ABCC4: variants seen among roughly 807,000 people sequenced by gnomAD.
ABCC4 encodes ATP-binding cassette sub-family C member 4.
Under a neutral mutation model 168.5 loss-of-function variants are expected in ABCC4, and 102 were observed. The observed-to-expected ratio is 0.61, with a 90% CI of 0.52 to 0.71. ABCC4 has a LOEUF of 0.71. ABCC4 is among the 30% of genes least tolerant of loss of function. ABCC4 has a pLI of 0.00. For missense variants in ABCC4, 1,402 were observed against 1,605.8 expected, an observed-to-expected ratio of 0.87 and a Z score of 2.17; for synonymous variants, 617 against 590.7, an observed-to-expected ratio of 1.04 and a Z score of -0.65.
At chr13:95,076,507 GTTTT>G (rs33911549) in intron 21 of ABCC4, among the ~76,000 whole-genome samples, 4 of 138,298 alleles carry the variant, frequency 2.9e-5, no homozygotes, top group Non-Finnish European at 6.2e-5. Context: ...TGTGGTGTAG[GTTTT>G]TTTTTTTTTT....
At chr13:95,065,558 C>T (rs1284679911) in intron 25 of ABCC4, among the ~76,000 whole-genome samples, 1 of 152,148 alleles carries the variant, frequency 6.6e-6, no homozygotes, top group Admixed American at 6.5e-5. Context: ...ATTTATTCAA[C>T]AAATCCCCTA....
intron 19 of ABCC4, among the ~76,000 whole-genome samples, chr13:95,153,121 G>A (rs755968758): frequency 6.6e-6 from 1 of 152,104 alleles, no homozygotes; most frequent in Non-Finnish European, 1.5e-5. Flanking sequence ...CCCTTGAAAT[G>A]GTTATCCAAC....
chr13:95,273,167 T>G (rs1018343915), intron 1 of ABCC4, among the ~76,000 whole-genome samples: 6 of 152,216 alleles, frequency 3.9e-5, no homozygotes, highest in African/African-American at 1.2e-4. Context: ...TCTGGAATGT[T>G]CCCTGAAACT....
intron 9 of ABCC4, among the ~76,000 whole-genome samples, chr13:95,194,030 A>G (rs1480260336): frequency 6.6e-6 from 1 of 152,148 alleles, no homozygotes; most frequent in African/African-American, 2.4e-5. Context: ...AGCTGGTGCC[A>G]TAGTAGTGGC....
intron 11 of ABCC4, among the ~76,000 whole-genome samples, chr13:95,182,555 T>G (rs2037931477): frequency 6.6e-6 from 1 of 152,252 alleles, no homozygotes; most frequent in Non-Finnish European, 1.5e-5. Flanking sequence ...TCACATTTCA[T>G]GTGATTTTAC....
chr13:95,035,241 G>C (rs2032071496), intron 29 of ABCC4, among the ~76,000 whole-genome samples: 1 of 152,208 alleles, frequency 6.6e-6, no homozygotes. Flanking sequence ...TGGAAAAGAA[G>C]TAAATGCTTC....
intron 1 of ABCC4, among the ~76,000 whole-genome samples, chr13:95,269,884 A>G (rs554483901): frequency 6.6e-6 from 1 of 152,352 alleles, no homozygotes; most frequent in South Asian, 2.1e-4. Context: ...ATGAAATACC[A>G]TTCTTCACTT....
chr13:95,296,530 C>G (rs150222215), intron 1 of ABCC4, among the ~76,000 whole-genome samples: 113 of 152,212 alleles, frequency 7.4e-4, no homozygotes, highest in African/African-American at 2.5e-3. Context: ...GCAGCACAGG[C>G]TTTGCAAGAT....
At chr13:95,093,400 T>C (rs1442479219) in intron 20 of ABCC4, among the ~76,000 whole-genome samples, 1 of 152,142 alleles carries the variant, frequency 6.6e-6, no homozygotes, top group African/African-American at 2.4e-5. Context: ...TGCAAGTCAA[T>C]AAATGTGATA....
intron 20 of ABCC4, among the ~76,000 whole-genome samples, chr13:95,098,378 A>G (rs960201263): frequency 1.3e-5 from 2 of 152,144 alleles, no homozygotes; most frequent in African/African-American, 4.8e-5. Context: ...AAAATCTACC[A>G]ACTACAGAGA....
At chr13:95,106,525 G>T (rs1279276655) in intron 20 of ABCC4, among the ~76,000 whole-genome samples, 1 of 150,840 alleles carries the variant, frequency 6.6e-6, no homozygotes, top group East Asian at 2.0e-4. Flanking sequence ...TTAAAGAAGA[G>T]CAAGCAGAAG....
chr13:95,075,763 G>A, intron 21 of ABCC4: 3 of 487,624 alleles, frequency 6.2e-6, no homozygotes, highest in Non-Finnish European at 3.5e-6. Flanking sequence ...TCACATAAGG[G>A]GCCTGGAAAT....
At chr13:95,122,615 C>A (rs1372386820) in intron 19 of ABCC4, among the ~76,000 whole-genome samples, 1 of 152,158 alleles carries the variant, frequency 6.6e-6, no homozygotes, top group Non-Finnish European at 1.5e-5. Context: ...TGTCCCTGTT[C>A]CCATCAGGGG....
intron 8 of ABCC4, among the ~76,000 whole-genome samples, chr13:95,200,322 G>A (rs549413521): frequency 2.0e-5 from 3 of 152,228 alleles, no homozygotes; most frequent in South Asian, 2.1e-4. Flanking sequence ...TCCTGACGTC[G>A]TTTCTATTTG....
intron 1 of ABCC4, among the ~76,000 whole-genome samples, chr13:95,289,789 T>C (rs974163186): frequency 1.3e-5 from 2 of 152,084 alleles, no homozygotes; most frequent in African/African-American, 4.8e-5. Flanking sequence ...ATCAGAAACG[T>C]AGAGAACCTT....
At chr13:95,300,106 C>CA (rs1566612745) in intron 1 of ABCC4, among the ~76,000 whole-genome samples, 1 of 152,196 alleles carries the variant, frequency 6.6e-6, no homozygotes, top group Admixed American at 6.6e-5. Flanking sequence ...TCCCAAAGTG[C>CA]AGGGATACAG....
intron 8 of ABCC4, among the ~76,000 whole-genome samples, chr13:95,199,866 G>A (rs2038574820): frequency 6.6e-6 from 1 of 152,080 alleles, no homozygotes; most frequent in South Asian, 2.1e-4. Context: ...CCTCCTGGCT[G>A]CCCCAAGCCA....
intron 1 of ABCC4, among the ~76,000 whole-genome samples, chr13:95,293,101 G>A (rs938983517): frequency 2.0e-5 from 3 of 152,000 alleles, no homozygotes; most frequent in Non-Finnish European, 4.4e-5. Context: ...TGCCAGGAAC[G>A]ATTTCCCACC....
intron 3 of ABCC4, among the ~76,000 whole-genome samples, chr13:95,246,059 G>A (rs1448694473): frequency 6.6e-6 from 1 of 152,136 alleles, no homozygotes; most frequent in Non-Finnish European, 1.5e-5. Flanking sequence ...CCTCTAGCAG[G>A]CCAAAGACCA....
Sources: allele counts gnomAD v4.1 joint callset (sites outside exome capture counted in the v4.1 genomes callset), GRCh38; gene constraint gnomAD v4.1.1; transcripts MANE v1.5; gene names NCBI Gene and HGNC (gene_info 2026-07-23, HGNC 2026-07-21).